SHD: variants seen among roughly 807,000 people sequenced by gnomAD.
The protein encoded by SHD is SH2 domain-containing adapter protein D.
In SHD, 29 loss-of-function variants were observed where a neutral mutation model predicts 31.2. The ratio of observed to expected loss-of-function variants is 0.93; its 90% CI spans 0.69 to 1.27. The LOEUF (loss-of-function observed/expected upper bound fraction) is 1.27. Among genes scored for constraint, SHD ranks in the 50% most tolerant of loss-of-function variants. SHD has a pLI of 0.00. For missense variants in SHD, 520 were observed against 453.8 expected (o/e 1.15, Z -1.33); for synonymous variants, 208 against 187.8 (o/e 1.11, Z -0.88).
At chr19:4,282,005 G>A (rs955286979) in intron 1 of SHD, among the ~76,000 whole-genome samples, 2 of 152,186 alleles carry the variant, frequency 1.3e-5, no homozygotes, top group African/African-American at 4.8e-5. Context: ...TGAAGTGGGC[G>A]AAGGAGGGAG....
chr19:4,288,525 G>A (rs1427297293), intron 5 of SHD, among the ~76,000 whole-genome samples, 163 bp downstream of exon 5: 2 of 152,220 alleles, frequency 1.3e-5, no homozygotes, highest in East Asian at 3.9e-4. Context: ...GTTCTGGGGA[G>A]GCCATTAGCT....
intron 4 of SHD, 90 bp from the exon 5 acceptor site, chr19:4,288,153 C>T (rs1971339516): frequency 3.5e-6 from 5 of 1,439,314 alleles, no homozygotes; most frequent in Non-Finnish European, 3.7e-6. Flanking sequence ...AATCCGCCCG[C>T]GTCAGCCTCC....
chr19:4,288,218 T>C, intron 4 of SHD, 25 bp from the exon 5 acceptor site: 1 of 1,608,444 alleles, frequency 6.2e-7, no homozygotes, highest in South Asian at 1.1e-5. Flanking sequence ...TGGCCCTTGA[T>C]GAGACATCTG....
intron 4 of SHD, among the ~76,000 whole-genome samples, chr19:4,285,140 G>A (rs1015356443): frequency 1.3e-5 from 2 of 152,136 alleles, no homozygotes; most frequent in Non-Finnish European, 2.9e-5. Context: ...CAAGTTCTGG[G>A]TTCACATTCC....
chr19:4,287,326 T>C (rs1312294916), intron 4 of SHD, among the ~76,000 whole-genome samples: 1 of 123,080 alleles, frequency 8.1e-6, no homozygotes, highest in Admixed American at 8.8e-5. Flanking sequence ...AGCGAGACTC[T>C]GTCTCAAAAA....
In SHD at chr19:4,280,355, G is replaced by T; in HGVS notation, c.292G>T (p.Glu98Ter). 1 of 1,564,580 alleles carries T rather than the reference G, an allele frequency of 6.4e-7. No homozygotes were observed. Among genetic ancestry groups the T allele is most frequent in the Non-Finnish European group, 8.7e-7 (1 of 1,154,238 alleles). Reference sequence around the variant, plus strand: ...CAAGGCCCTTCTGGGCGGCCCCGGGGAGGAGGTGCGTGGCTGGGTGGCCTG... The same window carrying T: ...CAAGGCCCTTCTGGGCGGCCCCGGGTAGGAGGTGCGTGGCTGGGTGGCCTG... ...RAKALLGGPG[E>*]ELEADTEYLD... is the part of the protein sequence containing the mutation. Residue 98 changes from glutamate to a stop codon, truncating the protein, a stop_gained, in exon 1 of 6, where the codon GAG (glutamate) becomes TAG (stop). Transcript: ENST00000543264. LOFTEE classifies it high-confidence loss of function.
At chr19:4,283,854 A>C (rs137855554) in intron 3 of SHD, among the ~76,000 whole-genome samples, 13,479 of 150,762 alleles carry the variant, frequency 0.089, 1,404 homozygotes, top group African/African-American at 0.24. Context: ...CTGGGATTAC[A>C]GGCAGGAGCC....
chr19:4,288,934 G>A (rs1971347677), intron 5 of SHD, among the ~76,000 whole-genome samples: 2 of 151,800 alleles, frequency 1.3e-5, no homozygotes, highest in African/African-American at 2.4e-5. Context: ...TCAGGAGTTC[G>A]AGACCAGCCT....
At chr19:4,288,461 C>T (rs1200515640) in intron 5 of SHD, 99 bp downstream of exon 5, 2 of 1,256,890 alleles carry the variant, frequency 1.6e-6, no homozygotes, top group Non-Finnish European at 2.1e-6. Context: ...CTCCCGCAGC[C>T]ATAGGGAAGG....
Position 4,283,008 on chromosome 19 carries a change from G to A in SHD, c.403+33G>A. The A allele has an allele frequency of 3.1e-6, 5 of 1,614,040 alleles. No homozygotes were observed. The South Asian group carries it at 4.4e-5, about 14-fold the overall frequency. The stretch of plus-strand genomic sequence containing the variant: ...GGCACGGCTTGGGGGAAGGTGACAG[G>A]GTCCCAGATGGGAGCAGGAGCTGAA... On this transcript the variant is annotated intron_variant, in intron 2 of 5. Coordinates refer to ENST00000543264, the MANE Select transcript of SHD (RefSeq NM_020209.4).
intron 1 of SHD, among the ~76,000 whole-genome samples, chr19:4,281,741 A>T (rs1971259033): frequency 6.6e-6 from 1 of 151,922 alleles, no homozygotes; most frequent in Non-Finnish European, 1.5e-5. Context: ...CTGGGTGACA[A>T]GAGCGAGACT....
chr19:4,288,453 C>T, intron 5 of SHD, 91 bp downstream of exon 5: 1 of 1,443,582 alleles, frequency 6.9e-7, no homozygotes, highest in Non-Finnish European at 9.2e-7. Context: ...GGGTGTGGCT[C>T]CCGCAGCCAT....
chr19:4,279,928 G>A lies in SHD; in HGVS notation c.-136G>A, dbSNP rs1023222287. On this transcript the variant is annotated 5_prime_UTR_variant, in exon 1 of 6. Transcript: ENST00000543264. The surrounding 1 kb of genome is among the most constrained non-coding windows in gnomAD (Gnocchi z 7.5). ...TATCCATCCAGAGCCCCGCCAAAGGGCGCACCTGATCTTTCTCATCCTTCC... is the reference window on the plus strand; with the variant it reads ...TATCCATCCAGAGCCCCGCCAAAGGACGCACCTGATCTTTCTCATCCTTCC... 9 of 1,086,228 alleles carry A rather than the reference G, an allele frequency of 8.3e-6. No homozygotes were observed. The highest frequency in any genetic ancestry group is 2.9e-5 in the Admixed American group (1 of 34,566). 67.3% of individuals were successfully genotyped at this position (1,086,228 alleles called of 1,614,324 possible). A position where few individuals can be genotyped will look rare whatever the true frequency, so the allele number is the denominator to read the frequency against.
At chr19:4,290,418 C>A (rs373327277) in intron 5 of SHD, 29 bp from the exon 6 acceptor site, 1 of 1,594,454 alleles carries the variant, frequency 6.3e-7, no homozygotes, top group Non-Finnish European at 8.6e-7. Context: ...CCGGGATGCT[C>A]AGGAGTCCCT....
chr19:4,289,103 ATTT>A (rs71166980), intron 5 of SHD, among the ~76,000 whole-genome samples: 29 of 77,388 alleles, frequency 3.7e-4, no homozygotes, highest in African/African-American at 1.4e-3. Flanking sequence ...TGCCCAGCTA[ATTT>A]TTTTTTTTTT....
At chr19:4,288,497 C>T (rs917082173) in intron 5 of SHD, 135 bp downstream of exon 5, 3 of 961,936 alleles carry the variant, frequency 3.1e-6, no homozygotes, top group Middle Eastern at 2.5e-4. Context: ...GGTGGGACTT[C>T]TAGGAGAAGG....
intron 4 of SHD, among the ~76,000 whole-genome samples, chr19:4,286,231 T>TTTCTTTC (rs1309589434): frequency 8.0e-5 from 4 of 50,000 alleles, no homozygotes; most frequent in African/African-American, 3.1e-4. Flanking sequence ...TCTTTCTTTC[T>TTTCTTTC]TTTCTTTCTT....
rs1181754360 is a variant in SHD at position 4,280,278 on chromosome 19, G to A, written c.215G>A (p.Gly72Asp). Residue 72 changes from glycine (G) to aspartate (D), a missense_variant, in exon 1 of 6, where the codon GGT becomes GAT. Physicochemically the swap from Gly to Asp is moderately conservative, Grantham distance 94. Transcript: ENST00000543264. Reference sequence around the variant, plus strand: ...AAGAACCCCGGAGATGCCAAGTATGGTTCTCCCAAGCACCGGCTCATCAAG... The same window carrying A: ...AAGAACCCCGGAGATGCCAAGTATGATTCTCCCAAGCACCGGCTCATCAAG... Reference protein sequence around the residue: ...DSKNPGDAKYGSPKHRLIKVE... With the variant: ...DSKNPGDAKYDSPKHRLIKVE... 1 of 1,612,876 alleles carries A rather than the reference G, an allele frequency of 6.2e-7. No individual in the cohort carries two copies. The highest frequency in any genetic ancestry group is 2.2e-5 in the East Asian group (1 of 44,856).
chr19:4,288,990 G>A (rs760120110), intron 5 of SHD, among the ~76,000 whole-genome samples: 14 of 151,892 alleles, frequency 9.2e-5, no homozygotes, highest in Non-Finnish European at 1.8e-4. Context: ...ACAAATATTA[G>A]TTGGGCATAG....
Sources: allele counts gnomAD v4.1 joint callset (sites outside exome capture counted in the v4.1 genomes callset), GRCh38; gene constraint gnomAD v4.1.1; non-coding constraint Gnocchi (gnomAD v3.1); transcripts MANE v1.5; gene names NCBI Gene and HGNC (gene_info 2026-07-23, HGNC 2026-07-21).